Variants in MTCL2 observed in about 807,000 individuals in gnomAD.
The protein encoded by MTCL2 is microtubule cross-linking factor 2.
chr20:36,852,819 G>A, the MTCL2 span, among the ~76,000 whole-genome samples: 3 of 152,292 alleles, frequency 2.0e-5, no homozygotes, highest in Non-Finnish European at 4.4e-5. Flanking sequence ...CACTTTGGGA[G>A]GCTGAGGCGG....
chr20:36,819,455 G>A, the MTCL2 span, among the ~76,000 whole-genome samples: 1 of 152,068 alleles, frequency 6.6e-6, no homozygotes. Context: ...CTTGTCCAAG[G>A]TCTCACAGTA....
chr20:36,827,715 C>T, the MTCL2 span, among the ~76,000 whole-genome samples: 1 of 152,124 alleles, frequency 6.6e-6, no homozygotes, highest in African/African-American at 2.4e-5. Context: ...AGGGTTCCAG[C>T]CACATCTCTG....
chr20:36,847,827 C>A, the MTCL2 span, among the ~76,000 whole-genome samples: 2 of 145,558 alleles, frequency 1.4e-5, no homozygotes, highest in East Asian at 4.0e-4. Context: ...ACACTCCAGC[C>A]TGAGTGACAC....
At chr20:36,816,444 G>T in the MTCL2 span, 12 of 730,992 alleles carry the variant, frequency 1.6e-5, no homozygotes, top group Non-Finnish European at 2.6e-5. Context: ...AGGAGCTAAG[G>T]GTCCGGGGGA....
At chr20:36,807,134 G>T in the MTCL2 span, among the ~76,000 whole-genome samples, 242 of 152,308 alleles carry the variant, frequency 1.6e-3, 2 homozygotes, top group Non-Finnish European at 2.4e-3. Context: ...CAGGGCCAGG[G>T]CAGCAGGGTG....
chr20:36,780,695 T>C, the MTCL2 span: 3 of 152,208 alleles, frequency 2.0e-5, no homozygotes, highest in African/African-American at 7.2e-5. Flanking sequence ...CACAGTTACA[T>C]GGGGTGGGAC....
At chr20:36,796,793 G>T in the MTCL2 span, 1 of 1,287,706 alleles carries the variant, frequency 7.8e-7, no homozygotes, top group Non-Finnish European at 1.1e-6. Context: ...AAAGCAGGTA[G>T]AGTGGGTGCA....
the MTCL2 span, chr20:36,816,262 C>G: frequency 6.2e-7 from 1 of 1,607,128 alleles, no homozygotes; most frequent in Admixed American, 1.7e-5. Flanking sequence ...AGGGCTGACT[C>G]CTCCTTTGCA....
At chr20:36,800,508 A>G in the MTCL2 span, among the ~76,000 whole-genome samples, 2 of 152,238 alleles carry the variant, frequency 1.3e-5, no homozygotes, top group Non-Finnish European at 2.9e-5. Context: ...GGCATGGCCC[A>G]GGACCAGGAA....
chr20:36,858,304 G>A, the MTCL2 span, among the ~76,000 whole-genome samples: 2 of 125,524 alleles, frequency 1.6e-5, no homozygotes, highest in South Asian at 5.3e-4. Context: ...AATCACCAAG[G>A]AGGGAAAACA....
At chr20:36,787,542 C>A in the MTCL2 span, among the ~76,000 whole-genome samples, 1 of 152,018 alleles carries the variant, frequency 6.6e-6, no homozygotes, top group African/African-American at 2.4e-5. Flanking sequence ...TTTTTATGTA[C>A]ATCTGGGTAG....
At chr20:36,827,947 G>A in the MTCL2 span, among the ~76,000 whole-genome samples, 5 of 152,292 alleles carry the variant, frequency 3.3e-5, no homozygotes, top group East Asian at 1.9e-4. Flanking sequence ...AGCAGCAAAC[G>A]CCTCCTCTCC....
At chr20:36,815,563 G>A in the MTCL2 span, 1 of 1,572,032 alleles carries the variant, frequency 6.4e-7, no homozygotes, top group Non-Finnish European at 8.6e-7. This position sits in a 1 kb window ranked among gnomAD's most constrained non-coding sequence, Gnocchi z 5.3. Flanking sequence ...GGCACACACT[G>A]GGCAGAGTCC....
At chr20:36,855,539 G>A in the MTCL2 span, among the ~76,000 whole-genome samples, 2 of 152,344 alleles carry the variant, frequency 1.3e-5, no homozygotes, top group Middle Eastern at 3.4e-3. Context: ...GAGTGAACGT[G>A]ACCATGGATG....
chr20:36,808,700 T>G, the MTCL2 span: 4 of 1,605,536 alleles, frequency 2.5e-6, no homozygotes, highest in Non-Finnish European at 3.4e-6. Context: ...ACTCTGCAGC[T>G]CAAACTCCCG....
At chr20:36,837,211 G>A in the MTCL2 span, among the ~76,000 whole-genome samples, 3 of 152,310 alleles carry the variant, frequency 2.0e-5, no homozygotes, top group South Asian at 2.1e-4. Context: ...CCAGCTCCTC[G>A]TGTCACCAGA....
At chr20:36,817,053 G>A in the MTCL2 span, among the ~76,000 whole-genome samples, 1 of 152,044 alleles carries the variant, frequency 6.6e-6, no homozygotes, top group African/African-American at 2.4e-5. Context: ...GATTGCTTGA[G>A]GCCAGGAGTT....
At chr20:36,799,427 G>T in the MTCL2 span, among the ~76,000 whole-genome samples, 1 of 152,090 alleles carries the variant, frequency 6.6e-6, no homozygotes, top group Non-Finnish European at 1.5e-5. Context: ...GGGAGGCAGA[G>T]GTTGCGGTGA....
chr20:36,820,200 C>T, the MTCL2 span, among the ~76,000 whole-genome samples: 1 of 152,126 alleles, frequency 6.6e-6, no homozygotes, highest in Non-Finnish European at 1.5e-5. Context: ...CCTGAAATTC[C>T]ATTTTCTCAT....
Sources: allele counts gnomAD v4.1 joint callset (sites outside exome capture counted in the v4.1 genomes callset), GRCh38; gene constraint gnomAD v4.1.1; non-coding constraint Gnocchi (gnomAD v3.1); transcripts MANE v1.5; gene names NCBI Gene and HGNC (gene_info 2026-07-23, HGNC 2026-07-21).